Variants in CPAP observed in about 807,000 individuals in gnomAD.
CPAP encodes the protein centrosomal P4.1-associated protein.
the CPAP span, chr13:24,905,731 G>T: frequency 6.2e-7 from 1 of 1,614,160 alleles, no homozygotes; most frequent in Non-Finnish European, 8.5e-7. Flanking sequence ...TGCTTTCCAT[G>T]ATAGACTCAT....
chr13:24,904,005 C>A, the CPAP span: 1 of 1,614,036 alleles, frequency 6.2e-7, no homozygotes, highest in Non-Finnish European at 8.5e-7. Context: ...TTTTCTATTT[C>A]TGTTTCCAAT....
the CPAP span, among the ~76,000 whole-genome samples, chr13:24,932,206 A>G: frequency 1.3e-5 from 2 of 152,234 alleles, no homozygotes; most frequent in African/African-American, 2.4e-5. Context: ...GGGAACCGCT[A>G]TCTCCAAAGG....
At chr13:24,925,651 A>G in the CPAP span, among the ~76,000 whole-genome samples, 2 of 152,210 alleles carry the variant, frequency 1.3e-5, no homozygotes, top group African/African-American at 2.4e-5. Flanking sequence ...TGGCCAAGGA[A>G]TGATTCCTAT....
At chr13:24,933,507 G>C in the CPAP span, 1 of 186,634 alleles carries the variant, frequency 5.4e-6, no homozygotes, top group Non-Finnish European at 1.1e-5. Flanking sequence ...GTGTGTCAAC[G>C]CTGGGGTGAT....
the CPAP span, chr13:24,886,348 C>T: frequency 1.6e-6 from 2 of 1,289,102 alleles, no homozygotes; most frequent in Admixed American, 4.6e-5. Context: ...GGTGGTCAGC[C>T]AACAAGCTGC....
At chr13:24,933,461 CAGG>C in the CPAP span, 1 of 215,136 alleles carries the variant, frequency 4.6e-6, no homozygotes, top group African/African-American at 2.2e-5. Flanking sequence ...TCATAGTGCA[CAGG>C]ATTTGCAAAA....
chr13:24,932,751 G>A, the CPAP span, among the ~76,000 whole-genome samples: 1 of 152,126 alleles, frequency 6.6e-6, no homozygotes, highest in Non-Finnish European at 1.5e-5. Context: ...TTTTTATTAA[G>A]ATGTATATTA....
chr13:24,887,887 CT>C, the CPAP span, among the ~76,000 whole-genome samples: 1 of 152,126 alleles, frequency 6.6e-6, no homozygotes, highest in Non-Finnish European at 1.5e-5. Flanking sequence ...TGCTGCAAGT[CT>C]TCTGTCTCCA....
the CPAP span, among the ~76,000 whole-genome samples, chr13:24,922,074 G>C: frequency 5.3e-5 from 8 of 152,078 alleles, no homozygotes; most frequent in Admixed American, 5.2e-4. Flanking sequence ...TCATCAAATG[G>C]AATGCATTTA....
the CPAP span, chr13:24,924,918 G>A: frequency 6.6e-6 from 1 of 152,144 alleles, no homozygotes; most frequent in Non-Finnish European, 1.5e-5. Context: ...TCATAGGACT[G>A]TCAAGAAGAT....
the CPAP span, chr13:24,912,589 A>T: frequency 6.2e-7 from 1 of 1,613,328 alleles, no homozygotes; most frequent in African/African-American, 1.3e-5. Context: ...TACCTGTTCA[A>T]GTTTTTTAAA....
At chr13:24,892,581 T>C in the CPAP span, 14 of 1,292,642 alleles carry the variant, frequency 1.1e-5, no homozygotes, top group Non-Finnish European at 1.1e-6. Flanking sequence ...CTCTATGAAT[T>C]TGAATGCTCA....
chr13:24,920,543 T>TA, the CPAP span, among the ~76,000 whole-genome samples: 2 of 150,410 alleles, frequency 1.3e-5, no homozygotes, highest in African/African-American at 2.4e-5. Context: ...TTCAGGCATT[T>TA]AAAAAAACAA....
At chr13:24,907,232 A>T in the CPAP span, 1 of 1,488,366 alleles carries the variant, frequency 6.7e-7, no homozygotes, top group Non-Finnish European at 9.4e-7. Context: ...TGCAAATCAT[A>T]ATGTGTGAAT....
the CPAP span, chr13:24,883,033 T>C: frequency 1.4e-6 from 1 of 703,526 alleles, no homozygotes; most frequent in Non-Finnish European, 2.5e-6. Context: ...AATATAAAAA[T>C]GAAGATGCCA....
the CPAP span, among the ~76,000 whole-genome samples, chr13:24,911,671 G>A: frequency 6.6e-6 from 1 of 150,846 alleles, no homozygotes; most frequent in African/African-American, 2.4e-5. Flanking sequence ...AGAGTAGCTA[G>A]GACTGCAGGC....
the CPAP span, among the ~76,000 whole-genome samples, chr13:24,927,954 C>A: frequency 2.0e-5 from 3 of 152,164 alleles, no homozygotes; most frequent in African/African-American, 7.2e-5. Flanking sequence ...AAGGTTAAAT[C>A]GAATACTAAC....
the CPAP span, among the ~76,000 whole-genome samples, chr13:24,896,789 T>A: frequency 6.6e-6 from 1 of 152,224 alleles, no homozygotes; most frequent in African/African-American, 2.4e-5. Flanking sequence ...CTGGTAAGAT[T>A]TTCATAACAC....
chr13:24,917,154 G>C, the CPAP span, among the ~76,000 whole-genome samples: 2 of 152,184 alleles, frequency 1.3e-5, no homozygotes, highest in African/African-American at 4.8e-5. Context: ...GGGAGGCTGA[G>C]GCAGAAGGAT....
Sources: gnomAD v4.1 joint callset for allele counts (sites outside exome capture counted in the v4.1 genomes callset) on GRCh38, gnomAD v4.1.1 for gene constraint, MANE v1.5 for transcripts, NCBI Gene and HGNC (gene_info 2026-07-23, HGNC 2026-07-21) for gene names.